The following PIF1 variants were observed in gnomAD, a reference collection of about 807,000 sequenced individuals.
PIF1 encodes ATP-dependent DNA helicase PIF1.
Under a neutral mutation model 62.3 loss-of-function variants are expected in PIF1, and 67 were observed. That is an observed-to-expected ratio of 1.08 (90% CI 0.88 to 1.32). PIF1 has a LOEUF of 1.32. Among genes scored for constraint, PIF1 ranks in the 40% most tolerant of loss-of-function variants. The pLI, the probability that PIF1 is intolerant of heterozygous loss-of-function variation, is 0.00. For synonymous variants in PIF1, 364 were observed against 379.5 expected, an observed-to-expected ratio of 0.96 and a Z score of 0.47; for missense variants, 886 against 866.1, an observed-to-expected ratio of 1.02 and a Z score of -0.29.
intron 1 of PIF1, among the ~76,000 whole-genome samples, chr15:64,824,916 C>A (rs1016007314): frequency 6.6e-6 from 1 of 150,484 alleles, no homozygotes; most frequent in African/African-American, 2.4e-5. Context: ...TACACACACG[C>A]ACCCTGCTAC....
In PIF1 at chr15:64,822,474, C is replaced by A. The variant is rs923835366; in HGVS notation, c.691+4G>T. On this transcript the variant is annotated splice_donor_region_variant and intron_variant, in intron 3 of 12. Coordinates refer to ENST00000559239, the MANE Select transcript of PIF1 (RefSeq NM_001286496.2). ...TCCCCCTACCTCCTCTCTGCCCCCACTACCTGCACTCCCAGTGAAGAAGAT... is the reference window on the plus strand; with the variant it reads ...TCCCCCTACCTCCTCTCTGCCCCCAATACCTGCACTCCCAGTGAAGAAGAT... 1 of 1,614,096 alleles carries A rather than the reference C, an allele frequency of 6.2e-7. No homozygotes were observed. The highest frequency in any genetic ancestry group is 1.1e-5 in the South Asian group (1 of 91,074).
Position 64,816,717 on chromosome 15 carries a change from T to C in PIF1, c.1723A>G (p.Ser575Gly). 1 of 1,611,008 alleles carries C rather than the reference T, an allele frequency of 6.2e-7. No homozygotes were observed. Among genetic ancestry groups the C allele is most frequent in the Non-Finnish European group, 8.5e-7 (1 of 1,179,124 alleles). Residue 575 changes from serine to glycine, a missense_variant, in exon 12 of 13, where the codon AGT (serine) becomes GGT (glycine). Ser to Gly is a moderately conservative substitution (Grantham distance 56, BLOSUM62 0). Coordinates refer to ENST00000559239, the MANE Select transcript of PIF1 (RefSeq NM_001286496.2). Reference sequence around the variant, plus strand: ...GAAAGGGCCACATAGGCCTGGCCACTGGCAAACACACGGCCCAGAGAAATC... The same window carrying C: ...GAAAGGGCCACATAGGCCTGGCCACCGGCAAACACACGGCCCAGAGAAATC... ...VEISLGRVFASGQAYVALSRA... is the reference protein window; with the variant it reads ...VEISLGRVFAGGQAYVALSRA...
rs199703458 is a variant in PIF1 at position 64,822,348 on chromosome 15, C to A, written c.735G>T (p.Leu245=). 194 of 1,612,532 alleles carry A rather than the reference C, an allele frequency of 1.2e-4. No individual in the cohort carries two copies. In the Admixed American group the frequency reaches 3.1e-3, roughly 26 times the overall value. ...CAGTGGCCACAGTGCCTGTGGGGGG[C>A]AGTGAGCCCAGGATTCGCTTTAGCA... The part of the protein sequence containing the change: ...SYLLKRILGS[L]PPTGTVATAS... The change falls in exon 4 of 13, where the codon CTG becomes CTT. Residue 245 remains leucine, a synonymous_variant. Transcript: ENST00000559239.
chr15:64,826,662 A>ATATATAT (rs1169611395), upstream of PIF1, among the ~76,000 whole-genome samples: 3 of 57,038 alleles, frequency 5.3e-5, no homozygotes, highest in Non-Finnish European at 1.0e-4. Context: ...ATATATATAT[A>ATATATAT]TATACACACA....
rs2084335487 is a variant in PIF1, at chr15:64,824,249, G to T, written c.87C>A (p.Gly29=). The T allele has an allele frequency of 3.1e-6, 4 of 1,309,842 alleles. No homozygotes were observed. Among genetic ancestry groups the T allele is most frequent in the Non-Finnish European group, 2.9e-6 (3 of 1,024,098 alleles). The allele number at this position is 1,309,842 out of a possible 1,614,324, so 81.1% of individuals were successfully genotyped here. ...GGGCCTGGCGCCTTCGCGGCTGCCC[G>T]CCCGGGCTCAGCTCCTCCACAGCCA... ...CRVAVEELSP[G]GQPRRRQALR... is the part of the protein sequence containing the mutation. Residue 29 remains glycine (G), a synonymous_variant, in exon 2 of 13, where the codon GGC becomes GGA. Transcript: ENST00000559239.
chr15:64,820,500 G>A (rs764332164), intron 7 of PIF1, among the ~76,000 whole-genome samples: 2 of 152,216 alleles, frequency 1.3e-5, no homozygotes, highest in Admixed American at 6.5e-5. Flanking sequence ...TGGTTTAAGC[G>A]ATTCTCCTGC....
At chr15:64,818,203 G>C in intron 10 of PIF1, 54 bp downstream of exon 10, 2 of 1,610,746 alleles carry the variant, frequency 1.2e-6, no homozygotes, top group Non-Finnish European at 1.7e-6. Context: ...CACCATTCCC[G>C]GGGCCATGCT....
intron 9 of PIF1, chr15:64,818,739 T>C: frequency 6.8e-6 from 2 of 294,518 alleles, no homozygotes; most frequent in Non-Finnish European, 1.3e-5. Context: ...TTGGGTGCCC[T>C]AAGGAAAATC....
chr15:64,816,503 C>A (rs566310099), intron 12 of PIF1, 71 bp downstream of exon 12: 6 of 1,595,254 alleles, frequency 3.8e-6, no homozygotes, highest in Non-Finnish European at 5.1e-6. Flanking sequence ...TCCCACTGGG[C>A]CGGCGCTCCC....
intron 12 of PIF1, 62 bp downstream of exon 12, chr15:64,816,512 C>T (rs2084185713): frequency 6.3e-7 from 1 of 1,598,808 alleles, no homozygotes; most frequent in African/African-American, 1.3e-5. Context: ...GCCGGCGCTC[C>T]CTCTGTCCTA....
chr15:64,821,222 A>C lies in PIF1; in HGVS notation c.1031T>G (p.Phe344Cys), dbSNP rs2084282272. ...GGIQLIICGD[F>C]LQLPPVTKGS... ...CTTGGTCACAGGTGGCAGCTGCAGA[A>C]AGTCCCCACAGATGATGAGCTGGAT... Residue 344 changes from phenylalanine to cysteine, a missense_variant, in exon 6 of 13, where the codon TTT (phenylalanine) becomes TGT (cysteine). Phe to Cys is a radical substitution (Grantham distance 205). Transcript: ENST00000559239. 4 of 1,614,220 alleles carry C rather than the reference A, an allele frequency of 2.5e-6. No homozygotes were observed. The highest frequency in any genetic ancestry group is 3.4e-6 in the Non-Finnish European group (4 of 1,180,038).
intron 4 of PIF1, 77 bp from the exon 5 acceptor site, chr15:64,821,597 G>GGT: frequency 7.0e-7 from 1 of 1,433,252 alleles, no homozygotes; most frequent in Non-Finnish European, 9.2e-7. Flanking sequence ...TTTGAGAGAA[G>GGT]GTCTCTTTCT....
At chr15:64,817,741 A>G (rs2084209768) in intron 11 of PIF1, among the ~76,000 whole-genome samples, 1 of 151,112 alleles carries the variant, frequency 6.6e-6, no homozygotes, top group Non-Finnish European at 1.5e-5. Context: ...ATGCGCCTGT[A>G]GTCCCAGCTA....
chr15:64,826,665 T>TATATATATATATATAC (rs796684934), upstream of PIF1, among the ~76,000 whole-genome samples: 2 of 42,800 alleles, frequency 4.7e-5, no homozygotes, highest in African/African-American at 9.3e-5. Flanking sequence ...TATATATATA[T>TATATATATATATATAC]ACACACACAC....
chr15:64,819,545 G>A (rs72744796), intron 8 of PIF1, among the ~76,000 whole-genome samples: 2,935 of 152,208 alleles, frequency 0.019, 65 homozygotes, highest in South Asian at 0.03. Context: ...CTGGCTTCAG[G>A]TGATCTGCCT....
chr15:64,821,568 T>C (rs1405707313), intron 4 of PIF1, 48 bp from the exon 5 acceptor site: 2 of 55,664 alleles, frequency 3.6e-5, no homozygotes, highest in South Asian at 3.9e-4. Context: ...AGCCTCTCTT[T>C]TTTTTTTTTT....
intron 2 of PIF1, among the ~76,000 whole-genome samples, chr15:64,822,913 CT>C (rs2084311327): frequency 6.6e-6 from 1 of 152,110 alleles, no homozygotes; most frequent in African/African-American, 2.4e-5. Context: ...AGTTTCCTTC[CT>C]GTCACCTAAG....
intron 5 of PIF1, 37 bp from the exon 6 acceptor site, chr15:64,821,318 A>G: frequency 6.2e-7 from 1 of 1,614,098 alleles, no homozygotes; most frequent in Non-Finnish European, 8.5e-7. Flanking sequence ...GGGCACACAG[A>G]AGACCACCAG....
At position 64,817,819 on chromosome 15, in the gene PIF1, G is replaced by A. The variant is rs2084211203; in HGVS notation, c.1674+127C>T. On this transcript the variant is annotated intron_variant, in intron 11 of 12. Coordinates refer to ENST00000559239, the MANE Select transcript of PIF1 (RefSeq NM_001286496.2). ...GGAGGTTGCAGTGAGCCAAGATCGC[G>A]CCACTGCACTCCAGCGTGGGCGACA... is the stretch of plus-strand genomic sequence containing the variant. 37 of 1,111,932 alleles carry A rather than the reference G, an allele frequency of 3.3e-5. No homozygotes were observed. In the South Asian group the frequency reaches 4.1e-4, roughly 12 times the overall value. 68.9% of individuals were successfully genotyped at this position (1,111,932 alleles called of 1,614,324 possible).
Sources: allele counts gnomAD v4.1 joint callset (sites outside exome capture counted in the v4.1 genomes callset), GRCh38; gene constraint gnomAD v4.1.1; transcripts MANE v1.5; gene names NCBI Gene and HGNC (gene_info 2026-07-23, HGNC 2026-07-21).